The following MCFD2 variants were observed in gnomAD, a reference collection of about 807,000 sequenced individuals.
MCFD2 encodes multiple coagulation factor deficiency 2, ER cargo receptor complex subunit.
In MCFD2, 11 loss-of-function variants were observed where a neutral mutation model predicts 12.8. The observed-to-expected ratio is 0.86, with a 90% confidence interval of 0.54 to 1.42. MCFD2 has a LOEUF of 1.42. MCFD2 is among the 40% of genes most tolerant of loss of function. The pLI, the probability that MCFD2 is intolerant of heterozygous loss-of-function variation, is 0.00. For missense variants in MCFD2, 191 were observed against 178.6 expected, an observed-to-expected ratio of 1.07 and a Z score of -0.40; for synonymous variants, 70 against 68.1, an observed-to-expected ratio of 1.03 and a Z score of -0.14.
chr2:46,939,278 G>A (rs1324589211), intron 1 of MCFD2, among the ~76,000 whole-genome samples: 1 of 152,026 alleles, frequency 6.6e-6, no homozygotes, highest in Non-Finnish European at 1.5e-5. Context: ...AAATTGGCCA[G>A]GCGCAGTGGC....
Position 46,941,661 on chromosome 2 carries a change from C to A in MCFD2, c.-97G>T. On this transcript the variant is annotated 5_prime_UTR_variant, in exon 1 of 3. Coordinates refer to the MCFD2 transcript ENST00000409147. This position sits in a 1 kb window ranked among gnomAD's most constrained non-coding sequence, Gnocchi z 4.2. The stretch of plus-strand genomic sequence containing the variant: ...TGGTCCGGCAGCTGCAGACGCTGAG[C>A]ATGCCCGGCGGCGGAGGTAACAGGC... 1 of 1,552,132 alleles carries A rather than the reference C, an allele frequency of 6.4e-7. No individual in the cohort carries two copies. Among genetic ancestry groups the A allele is most frequent in the Non-Finnish European group, 8.7e-7 (1 of 1,148,144 alleles).
intron 1 of MCFD2, among the ~76,000 whole-genome samples, chr2:46,927,035 C>G (rs958277672): frequency 2.7e-5 from 4 of 150,434 alleles, no homozygotes; most frequent in Non-Finnish European, 5.9e-5. Context: ...GGAAAATATG[C>G]CAGAGGAAAC....
At chr2:46,925,120 T>G (rs1327701376) in intron 1 of MCFD2, among the ~76,000 whole-genome samples, 2 of 152,218 alleles carry the variant, frequency 1.3e-5, no homozygotes, top group African/African-American at 2.4e-5. Flanking sequence ...TTTCAATTAT[T>G]TATTTATTTA....
intron 1 of MCFD2, among the ~76,000 whole-genome samples, chr2:46,928,118 C>T (rs1166046903): frequency 6.6e-6 from 1 of 151,574 alleles, no homozygotes; most frequent in Non-Finnish European, 1.5e-5. Context: ...TCTCTAACTC[C>T]TCGGCTCAGG....
At position 46,904,071 on chromosome 2, in the gene MCFD2, C is replaced by A. The variant is rs1413359570; in HGVS notation, c.*1392G>T. 6.6e-6 allele frequency: 1 copy of A among 152,194 alleles called. No individual in the cohort carries two copies. Among genetic ancestry groups the A allele is most frequent in the African/African-American group, 2.4e-5 (1 of 41,440 alleles). 9.4% of individuals were successfully genotyped at this position (152,194 alleles called of 1,614,324 possible). On this transcript the variant is annotated 3_prime_UTR_variant, in exon 4 of 4. Transcript: ENST00000319466. The stretch of plus-strand genomic sequence containing the variant: ...TCGGGCTGTGGCTTCAGAGTGGAAG[C>A]CCCAAGCCTTGGCAGCTTCTATGTG...
chr2:46,930,691 G>C (rs1278579056), intron 1 of MCFD2, among the ~76,000 whole-genome samples: 2 of 152,012 alleles, frequency 1.3e-5, no homozygotes, highest in Admixed American at 6.6e-5. Context: ...GTAGAGACAG[G>C]GTTTCAGCCT....
At chr2:46,922,489 C>G (rs1269813942) in intron 1 of MCFD2, among the ~76,000 whole-genome samples, 1 of 152,068 alleles carries the variant, frequency 6.6e-6, no homozygotes, top group Middle Eastern at 3.2e-3. Flanking sequence ...AGACTAAACT[C>G]CAGACCTGAG....
intron 1 of MCFD2, among the ~76,000 whole-genome samples, chr2:46,935,705 C>T (rs1669944423): frequency 6.6e-6 from 1 of 152,228 alleles, no homozygotes; most frequent in South Asian, 2.1e-4. Flanking sequence ...GGGTGATCCT[C>T]TGAGGCTCTT....
At chr2:46,920,945 T>G (rs1322259981) in intron 1 of MCFD2, among the ~76,000 whole-genome samples, 4 of 150,966 alleles carry the variant, frequency 2.6e-5, no homozygotes, top group Non-Finnish European at 5.9e-5. Flanking sequence ...TAAAAAGGCA[T>G]CTGACAAAAT....
In MCFD2 at chr2:46,941,624, G is replaced by A. The variant is rs767573424; in HGVS notation, c.-60C>T. On this transcript the variant is annotated 5_prime_UTR_variant, in exon 1 of 3. Transcript: ENST00000409147. This position sits in a 1 kb window ranked among gnomAD's most constrained non-coding sequence, Gnocchi z 4.2. The stretch of plus-strand genomic sequence containing the variant: ...TGCCGCGCCGAGGGCCACTGGGACC[G>A]CATGCCGGAGCTGGTCCGGCAGCTG... 6.4e-7 allele frequency: 1 copy of A among 1,555,168 alleles called. No homozygotes were observed. Among genetic ancestry groups the A allele is most frequent in the African/African-American group, 1.4e-5 (1 of 73,492 alleles).
rs1670021626 is a variant in MCFD2, at chr2:46,937,177, G to T, written c.-8+4395C>A. Among the ~76,000 whole-genome samples the T allele has an allele frequency of 6.6e-6, 1 of 152,002 alleles. No homozygotes were observed. Among genetic ancestry groups the T allele is most frequent in the African/African-American group, 2.4e-5 (1 of 41,386 alleles). ...AACCCCAAAAATTACTTCCTTAACA[G>T]ATTTCTTGGCCAAAGCAAAATAAAA... On this transcript the variant is annotated intron_variant, in intron 1 of 2. Coordinates refer to the MCFD2 transcript ENST00000409147. The surrounding 1 kb of genome is among the most constrained non-coding windows in gnomAD (Gnocchi z 4.0).
chr2:46,940,747 G>C lies in MCFD2; in HGVS notation c.-8+825C>G, dbSNP rs1037393778. Among the ~76,000 whole-genome samples, 11 of 152,328 alleles carry C rather than the reference G, an allele frequency of 7.2e-5. No homozygotes were observed. Among genetic ancestry groups the C allele is most frequent in the African/African-American group, 2.2e-4 (9 of 41,584 alleles). On this transcript the variant is annotated intron_variant, in intron 1 of 2. Coordinates refer to the MCFD2 transcript ENST00000409147. The surrounding 1 kb of genome is among the most constrained non-coding windows in gnomAD (Gnocchi z 4.7). ...TCCAGAGAGTCGCGGGCCTGGGAAC[G>C]GGCCTGGGTCCTCGCGAGCATGCCT...
upstream of MCFD2, among the ~76,000 whole-genome samples, chr2:46,920,530 C>T (rs112225259): frequency 6.7e-3 from 1,023 of 151,946 alleles, 4 homozygotes; most frequent in Non-Finnish European, 0.011. Context: ...GGGGTTTCAC[C>T]ATGTTGGCCA....
chr2:46,926,620 C>A (rs1669396179), intron 1 of MCFD2, among the ~76,000 whole-genome samples: 2 of 152,160 alleles, frequency 1.3e-5, no homozygotes, highest in Non-Finnish European at 2.9e-5. Flanking sequence ...GGTAGAGCCC[C>A]CCCAGGTGCC....
chr2:46,905,648 C>CAT (rs1370226804), intron 3 of MCFD2, 54 bp from the exon 4 acceptor site: 1 of 1,472,308 alleles, frequency 6.8e-7, no homozygotes, highest in Non-Finnish European at 9.3e-7. Context: ...GGAAGAAGTG[C>CAT]TTAACTAACG....
chr2:46,920,726 A>C (rs983637841), upstream of MCFD2, among the ~76,000 whole-genome samples: 1 of 151,898 alleles, frequency 6.6e-6, no homozygotes, highest in Non-Finnish European at 1.5e-5. Context: ...ATTTTTCCTG[A>C]ACTTGCCTAT....
chr2:46,912,288 A>G (rs1668519618), intron 1 of MCFD2, among the ~76,000 whole-genome samples: 1 of 152,248 alleles, frequency 6.6e-6, no homozygotes, highest in Admixed American at 6.5e-5. Context: ...GCAGTGAGCC[A>G]AGATCACACC....
rs1668374103 is a variant in MCFD2 at position 46,909,096 on chromosome 2, C to T, written c.76G>A (p.Ala26Thr). The T allele has an allele frequency of 1.2e-6, 2 of 1,614,110 alleles. No individual in the cohort carries two copies. Among genetic ancestry groups the T allele is most frequent in the Non-Finnish European group, 1.7e-6 (2 of 1,180,044 alleles). Reference sequence around the variant, plus strand: ...GAGAAGCTGGCTGCAGGCTCCTCAGCCCTGGCGCCTGGGGCACAAAAGGCC... The same window carrying T: ...GAGAAGCTGGCTGCAGGCTCCTCAGTCCTGGCGCCTGGGGCACAAAAGGCC... The part of the protein sequence containing the change: ...LWAFCAPGAR[A>T]EEPAASFSQP... Residue 26 changes from alanine to threonine, a missense_variant, in exon 2 of 4, where the codon GCT becomes ACT. Transcript: ENST00000319466.
At chr2:46,927,769 A>G (rs1345951333) in intron 1 of MCFD2, among the ~76,000 whole-genome samples, 1 of 152,122 alleles carries the variant, frequency 6.6e-6, no homozygotes, top group Non-Finnish European at 1.5e-5. Flanking sequence ...CTGCTCACCT[A>G]AAATACTACA....
Sources: allele counts gnomAD v4.1 joint callset (sites outside exome capture counted in the v4.1 genomes callset), GRCh38; gene constraint gnomAD v4.1.1; non-coding constraint Gnocchi (gnomAD v3.1); transcripts MANE v1.5; gene names NCBI Gene and HGNC (gene_info 2026-07-23, HGNC 2026-07-21).